UBE2R2: variants seen among roughly 807,000 people sequenced by gnomAD.
The protein encoded by UBE2R2 is ubiquitin conjugating enzyme E2 R2, also known as ubiquitin-conjugating enzyme E2 R2.
Under a neutral mutation model 27.8 loss-of-function variants are expected in UBE2R2, and 1 was observed. The observed-to-expected ratio is 0.04, with a 90% CI of 0.01 to 0.17. UBE2R2 has a LOEUF of 0.17. Among genes scored for constraint, UBE2R2 ranks in the 10% least tolerant of loss-of-function variants. The probability of loss-of-function intolerance (pLI) is 1.00; values close to 1 mark genes in which losing one functional copy is unlikely to be tolerated. For missense variants in UBE2R2, 100 were observed against 291.0 expected, an observed-to-expected ratio of 0.34 and a Z score of 4.78; for synonymous variants, 106 against 113.3, an observed-to-expected ratio of 0.94 and a Z score of 0.41.
chr9:33,887,032 G>A, intron 2 of UBE2R2, 65 bp downstream of exon 2: 2 of 1,291,910 alleles, frequency 1.5e-6, no homozygotes, highest in Admixed American at 4.5e-5. Flanking sequence ...CTTTAAAATA[G>A]CCTATCTCAG....
intron 1 of UBE2R2, among the ~76,000 whole-genome samples, chr9:33,844,762 C>T (rs772128455): frequency 6.7e-6 from 1 of 150,260 alleles, no homozygotes; most frequent in Non-Finnish European, 1.5e-5. Flanking sequence ...CACTCAAAAT[C>T]ATTTGCCTTT....
intron 1 of UBE2R2, among the ~76,000 whole-genome samples, chr9:33,865,066 G>A (rs1384445682): frequency 6.6e-6 from 1 of 151,722 alleles, no homozygotes; most frequent in African/African-American, 2.4e-5. Context: ...TTGACATGTT[G>A]CCCAGGCTGG....
chr9:33,915,087 G>A (rs10971788), intron 4 of UBE2R2, among the ~76,000 whole-genome samples: 12,611 of 150,820 alleles, frequency 0.084, 714 homozygotes, highest in Non-Finnish European at 0.12. Flanking sequence ...CTGAGATTGC[G>A]TCACTGTGCT....
At chr9:33,896,662 A>G (rs558481660) in intron 2 of UBE2R2, among the ~76,000 whole-genome samples, 1 of 148,906 alleles carries the variant, frequency 6.7e-6, no homozygotes, top group Admixed American at 6.8e-5. Context: ...GTTAGCCAGG[A>G]TGGTCTTGAT....
chr9:33,912,027 C>G lies in UBE2R2; in HGVS notation c.426C>G (p.Val142=), dbSNP rs192077739. The change falls in exon 4 of 5, where the codon GTC becomes GTG. Residue 142 remains valine (V), a synonymous_variant. Transcript: ENST00000263228. ...NEPNTFSPAN[V]DASVMFRKWR... ...CCAACACCTTCTCCCCAGCCAATGT[C>G]GATGCTTCAGTTATGTTCAGGAAAT... 2 of 1,613,270 alleles carry G rather than the reference C, an allele frequency of 1.2e-6. No homozygotes were observed. Among genetic ancestry groups the G allele is most frequent in the African/African-American group, 1.3e-5 (1 of 74,834 alleles).
At chr9:33,818,935 C>T (rs1234693793) in intron 1 of UBE2R2, 2 of 151,996 alleles carry the variant, frequency 1.3e-5, no homozygotes, top group African/African-American at 4.8e-5. Context: ...GGTTATCATT[C>T]CAGAATCTAA....
At chr9:33,833,596 A>G (rs1010019558) in intron 1 of UBE2R2, among the ~76,000 whole-genome samples, 2 of 152,220 alleles carry the variant, frequency 1.3e-5, no homozygotes, top group Non-Finnish European at 2.9e-5. Context: ...TCCATCTGTC[A>G]CTTCTCAGTT....
intron 1 of UBE2R2, among the ~76,000 whole-genome samples, chr9:33,841,615 T>C (rs962618089): frequency 3.3e-5 from 5 of 152,180 alleles, no homozygotes; most frequent in Non-Finnish European, 5.9e-5. Context: ...CTGTGAGTTG[T>C]CATTGTTTCT....
intron 1 of UBE2R2, among the ~76,000 whole-genome samples, chr9:33,824,075 G>C (rs1216367911): frequency 6.6e-6 from 1 of 152,132 alleles, no homozygotes; most frequent in South Asian, 2.1e-4. Flanking sequence ...ACTTTTTGTT[G>C]TTTCTCAGAA....
intron 1 of UBE2R2, among the ~76,000 whole-genome samples, chr9:33,839,395 AC>A (rs965152939): frequency 3.3e-4 from 50 of 151,940 alleles, no homozygotes; most frequent in Non-Finnish European, 6.6e-4. Flanking sequence ...CTGCCACCAC[AC>A]CTGGCTAATT....
In UBE2R2 at chr9:33,863,153, A is replaced by G. The variant is rs1447312737; in HGVS notation, c.178-23728A>G. 6.5e-5 allele frequency among the ~76,000 whole-genome samples: 9 copies of G among 139,174 alleles called. No homozygotes were observed. In the East Asian group the frequency reaches 2.0e-3, roughly 31 times the overall value. 91.3% of individuals were successfully genotyped at this position (139,174 alleles called of 152,430 possible). On this transcript the variant is annotated intron_variant, in intron 1 of 4. Coordinates refer to ENST00000263228, the MANE Select transcript of UBE2R2 (RefSeq NM_017811.4). ...CAGTGAGCCAAAATCGTGCCACTGC[A>G]CTCCTGCAGCCTGTGCAACAGAGCG...
At chr9:33,887,261 A>T (rs1821880627) in intron 2 of UBE2R2, among the ~76,000 whole-genome samples, 1 of 152,214 alleles carries the variant, frequency 6.6e-6, no homozygotes, top group African/African-American at 2.4e-5. Context: ...TGCATTTAAA[A>T]ATTTAGTAGA....
chr9:33,899,705 G>C (rs375680464), intron 2 of UBE2R2, among the ~76,000 whole-genome samples: 8 of 151,660 alleles, frequency 5.3e-5, no homozygotes, highest in African/African-American at 1.9e-4. Flanking sequence ...ATGGGGTTTC[G>C]CCATGCTGGT....
At chr9:33,837,105 T>G (rs1409464418) in intron 1 of UBE2R2, among the ~76,000 whole-genome samples, 1 of 152,226 alleles carries the variant, frequency 6.6e-6, no homozygotes, top group Non-Finnish European at 1.5e-5. Flanking sequence ...CTTGAATTAT[T>G]TCAAGATATT....
intron 1 of UBE2R2, among the ~76,000 whole-genome samples, chr9:33,860,354 A>G (rs986383000): frequency 2.6e-5 from 4 of 152,122 alleles, no homozygotes; most frequent in African/African-American, 9.7e-5. Flanking sequence ...AGTGGCAGAT[A>G]CATTTTTGGA....
At chr9:33,910,863 G>C (rs1161161948) in intron 3 of UBE2R2, among the ~76,000 whole-genome samples, 1 of 152,188 alleles carries the variant, frequency 6.6e-6, no homozygotes, top group Non-Finnish European at 1.5e-5. Flanking sequence ...AGCACTTTGG[G>C]AGGCCAAGGC....
chr9:33,870,914 T>G (rs1344255114), intron 1 of UBE2R2, among the ~76,000 whole-genome samples: 2 of 152,220 alleles, frequency 1.3e-5, no homozygotes, highest in Non-Finnish European at 2.9e-5. Flanking sequence ...ATTAAATCAA[T>G]TACAGAGTCT....
At chr9:33,844,430 C>T (rs548046907) in intron 1 of UBE2R2, among the ~76,000 whole-genome samples, 16 of 151,924 alleles carry the variant, frequency 1.1e-4, no homozygotes, top group Non-Finnish European at 2.1e-4. Context: ...TCTCGAACTC[C>T]TGACTTCAGA....
In UBE2R2 at chr9:33,906,330, C is replaced by T. The variant is rs1279862286; in HGVS notation, c.363-5634C>T. Among the ~76,000 whole-genome samples the T allele has an allele frequency of 3.3e-5, 5 of 152,158 alleles. No homozygotes were observed. In the East Asian group the frequency reaches 7.7e-4, roughly 23 times the overall value. On this transcript the variant is annotated intron_variant, in intron 3 of 4. Coordinates refer to ENST00000263228, the MANE Select transcript of UBE2R2 (RefSeq NM_017811.4). ...AGAGACAGGATTTTTCCGTGTTAGT[C>T]GGGCTGATCTTGAACTCCCAACCTC...
Sources: allele counts gnomAD v4.1 joint callset (sites outside exome capture counted in the v4.1 genomes callset), GRCh38; gene constraint gnomAD v4.1.1; transcripts MANE v1.5; gene names NCBI Gene and HGNC (gene_info 2026-07-23, HGNC 2026-07-21).